SSU72L2: variants seen among roughly 807,000 people sequenced by gnomAD.
SSU72L2 encodes RNA polymerase II subunit A C-terminal domain phosphatase SSU72 like protein 2.
the SSU72L2 span, among the ~76,000 whole-genome samples, chr11:4,241,740 G>A: frequency 1.3e-5 from 2 of 148,612 alleles, no homozygotes; most frequent in Non-Finnish European, 3.0e-5. Flanking sequence ...TCCATTATCA[G>A]CTCGGTTTGC....
At chr11:4,241,848 C>A in the SSU72L2 span, among the ~76,000 whole-genome samples, 40 of 138,180 alleles carry the variant, frequency 2.9e-4, no homozygotes, top group Admixed American at 5.8e-4. Context: ...ACAATGCCAA[C>A]CATTTTTCAG....
the SSU72L2 span, among the ~76,000 whole-genome samples, chr11:4,241,766 C>T: frequency 5.4e-5 from 8 of 149,124 alleles, no homozygotes; most frequent in African/African-American, 9.9e-5. Context: ...TGGAAAATGG[C>T]GTCATGGTGG....
At chr11:4,242,103 C>G in the SSU72L2 span, 2 of 609,930 alleles carry the variant, frequency 3.3e-6, no homozygotes, top group South Asian at 3.9e-5. Flanking sequence ...GCCTTCTCCT[C>G]CATTTGCAAG....
chr11:4,242,568 T>A, the SSU72L2 span: 2 of 741,492 alleles, frequency 2.7e-6, no homozygotes, highest in Non-Finnish European at 4.9e-6. Context: ...TTCCTGAGGA[T>A]GCTGTGGGCC....
chr11:4,241,833 C>T, the SSU72L2 span, among the ~76,000 whole-genome samples: 1 of 148,358 alleles, frequency 6.7e-6, no homozygotes, highest in Non-Finnish European at 1.5e-5. Context: ...TGTAATGCAC[C>T]TAGCACAATG....
chr11:4,242,647 G>C, the SSU72L2 span: 2 of 586,058 alleles, frequency 3.4e-6, no homozygotes, highest in East Asian at 2.9e-5. Flanking sequence ...GCATGATGGC[G>C]GCCACTGGGA....
At chr11:4,241,707 TAAAC>T in the SSU72L2 span, among the ~76,000 whole-genome samples, 25 of 147,010 alleles carry the variant, frequency 1.7e-4, no homozygotes, top group Non-Finnish European at 3.2e-4. Context: ...TGAATACCCT[TAAAC>T]AAATCATTTT....
At chr11:4,241,983 C>T in the SSU72L2 span, 8 of 600,718 alleles carry the variant, frequency 1.3e-5, no homozygotes, top group East Asian at 2.3e-4. Flanking sequence ...GTAGATGCTT[C>T]TCACAATAAA....
At chr11:4,241,988 A>G in the SSU72L2 span, 3 of 604,708 alleles carry the variant, frequency 5.0e-6, no homozygotes, top group Non-Finnish European at 8.7e-6. Context: ...TGCTTCTCAC[A>G]ATAAATCCGG....
chr11:4,242,007 C>G, the SSU72L2 span: 1 of 613,074 alleles, frequency 1.6e-6, no homozygotes, highest in Non-Finnish European at 2.9e-6. Flanking sequence ...GGACTAAAGT[C>G]CCATGTCTAA....
At chr11:4,241,783 T>G in the SSU72L2 span, among the ~76,000 whole-genome samples, 1 of 149,174 alleles carries the variant, frequency 6.7e-6, no homozygotes, top group Admixed American at 6.7e-5. Context: ...GTGGGCTAGC[T>G]TCCTTGTAGA....
At chr11:4,241,943 A>C in the SSU72L2 span, 151,878 of 534,382 alleles carry the variant, frequency 0.28, 22,620 homozygotes, top group Non-Finnish European at 0.33. Context: ...GTACAAAAGT[A>C]ACACAAACAG....
chr11:4,241,940 A>T, the SSU72L2 span: 1 of 566,912 alleles, frequency 1.8e-6, no homozygotes, highest in Non-Finnish European at 3.1e-6. Flanking sequence ...TGTGTACAAA[A>T]GTAACACAAA....
chr11:4,241,670 C>T, the SSU72L2 span, among the ~76,000 whole-genome samples: 1 of 145,560 alleles, frequency 6.9e-6, no homozygotes, highest in Non-Finnish European at 1.5e-5. Flanking sequence ...TTAAAAGGTG[C>T]TTATCTATAC....
At chr11:4,241,996 C>T in the SSU72L2 span, 126 of 605,692 alleles carry the variant, frequency 2.1e-4, 3 homozygotes, top group East Asian at 4.0e-4. Context: ...ACAATAAATC[C>T]GGACTAAAGT....
the SSU72L2 span, chr11:4,242,000 C>T: frequency 2.3e-3 from 1,407 of 609,586 alleles, 82 homozygotes; most frequent in African/African-American, 0.024. Flanking sequence ...TAAATCCGGA[C>T]TAAAGTCCCA....
chr11:4,241,825 T>C, the SSU72L2 span, among the ~76,000 whole-genome samples: 1 of 148,632 alleles, frequency 6.7e-6, no homozygotes, highest in Admixed American at 6.7e-5. Flanking sequence ...TTATCCCATG[T>C]AATGCACCTA....
the SSU72L2 span, chr11:4,242,583 T>C: frequency 1.4e-6 from 1 of 726,944 alleles, no homozygotes; most frequent in Non-Finnish European, 2.5e-6. Flanking sequence ...TGGGCCTCCA[T>C]GCTCCTGTTG....
At chr11:4,241,908 G>A in the SSU72L2 span, 1 of 514,320 alleles carries the variant, frequency 1.9e-6, no homozygotes, top group Non-Finnish European at 3.4e-6. Flanking sequence ...TATTTTCTTG[G>A]TAATAGTCTC....
Sources: gnomAD v4.1 joint callset for allele counts (sites outside exome capture counted in the v4.1 genomes callset) on GRCh38, gnomAD v4.1.1 for gene constraint, MANE v1.5 for transcripts, NCBI Gene and HGNC (gene_info 2026-07-23, HGNC 2026-07-21) for gene names.